The following ANKRD12 variants were observed in gnomAD, a reference collection of about 807,000 sequenced individuals.
ANKRD12 encodes ankyrin repeat domain-containing protein 12.
Under a neutral mutation model 183.4 loss-of-function variants are expected in ANKRD12, and 85 were observed. That is an observed-to-expected ratio of 0.46 (90% CI 0.39 to 0.56). ANKRD12 has a LOEUF of 0.56. Ranked by LOEUF, ANKRD12 falls within the 20% of genes least tolerant of loss-of-function variation. The probability of loss-of-function intolerance (pLI) is 0.00; values close to 1 mark genes in which losing one functional copy is unlikely to be tolerated. For synonymous variants in ANKRD12, 914 were observed against 800.2 expected (o/e 1.14, Z -2.40); for missense variants, 2,405 against 2,357.1 (o/e 1.02, Z -0.42).
At chr18:9,225,551 C>T (rs1186238418) in intron 8 of ANKRD12, among the ~76,000 whole-genome samples, 4 of 151,866 alleles carry the variant, frequency 2.6e-5, no homozygotes, top group Non-Finnish European at 2.9e-5. Flanking sequence ...AATTTTTCCC[C>T]CTACTCTGTC....
At chr18:9,276,414 GT>G (rs1006208839) in intron 11 of ANKRD12, among the ~76,000 whole-genome samples, 8 of 152,212 alleles carry the variant, frequency 5.3e-5, no homozygotes, top group Non-Finnish European at 1.2e-4. Flanking sequence ...AGATAGGTAG[GT>G]TTCAAACTTA....
At chr18:9,202,709 A>G (rs1052016539) in intron 3 of ANKRD12, among the ~76,000 whole-genome samples, 3 of 152,232 alleles carry the variant, frequency 2.0e-5, no homozygotes, top group African/African-American at 7.2e-5. Flanking sequence ...TCAATCTCAT[A>G]AACAGTGGTA....
rs745673561 is a variant in ANKRD12 at position 9,256,208 on chromosome 18, G to GA, written c.2949dup (p.Ser984IlefsTer7). 6 of 1,572,378 alleles carry GA rather than the reference G, an allele frequency of 3.8e-6. No individual in the cohort carries two copies. The highest frequency in any genetic ancestry group is 2.3e-5 in the East Asian group (1 of 44,184). On this transcript the variant is annotated frameshift_variant, in exon 9 of 13. Transcript: ENST00000262126. LOFTEE classifies it high-confidence loss of function. Reference sequence around the variant, plus strand: ...AACTAACTCCAAACACATACAGGAAGAAAAAAAATCAAGTATAGTAGACGG... The same window carrying GA: ...AACTAACTCCAAACACATACAGGAAGAAAAAAAAATCAAGTATAGTAGACGG...
chr18:9,168,113 G>A (rs1237839461), intron 1 of ANKRD12, among the ~76,000 whole-genome samples: 7 of 152,142 alleles, frequency 4.6e-5, no homozygotes, highest in Non-Finnish European at 7.4e-5. Context: ...TGCTGGATTC[G>A]GTTTGCCAGT....
rs564405356 is a variant in ANKRD12 at position 9,248,762 on chromosome 18, G to A, written c.944-5449G>A. On this transcript the variant is annotated intron_variant, in intron 8 of 12. Transcript: ENST00000262126. ...AGTCAGTGCGTGTGTGAAAGCGCAA[G>A]CTATATGATAGCTATGGATGGCATG... is the stretch of plus-strand genomic sequence containing the variant. 2.0e-5 allele frequency among the ~76,000 whole-genome samples: 3 copies of A among 152,362 alleles called. No homozygotes were observed. In the East Asian group the frequency reaches 5.8e-4, roughly 29 times the overall value.
At position 9,195,567 on chromosome 18, in the gene ANKRD12, C is replaced by T. The variant is rs113896281; in HGVS notation, c.104C>T (p.Ala35Val). 6.2e-7 allele frequency: 1 copy of T among 1,605,628 alleles called. No homozygotes were observed. Among genetic ancestry groups the T allele is most frequent in the Non-Finnish European group, 8.5e-7 (1 of 1,175,582 alleles). Residue 35 changes from alanine (A) to valine (V), a missense_variant, in exon 3 of 13, where the codon GCA becomes GTA. This residue lies in a region of ANKRD12 where 145 missense variants were observed against 145.6 expected (regional missense o/e 1.00). Coordinates refer to ENST00000262126, the MANE Select transcript of ANKRD12 (RefSeq NM_015208.5). ...PYGRKSKDKI[A>V]SYSKTPKIER... ...TTTTAATAGAGTAAAGACAAGATTG[C>T]ATCCTACAGCAAAACTCCAAAAATT...
intron 2 of ANKRD12, among the ~76,000 whole-genome samples, chr18:9,185,094 G>GT (rs2033957027): frequency 6.6e-6 from 1 of 152,224 alleles, no homozygotes. Context: ...GTAAAGGGTA[G>GT]TATAAGCGAA....
chr18:9,259,092 C>T (rs951300914), intron 9 of ANKRD12, among the ~76,000 whole-genome samples, 161 bp downstream of exon 9: 8 of 152,152 alleles, frequency 5.3e-5, no homozygotes, highest in African/African-American at 1.9e-4. Context: ...TTGTTTCTTT[C>T]ATTCCCCAAC....
rs375517919 is a variant in ANKRD12 at position 9,255,722 on chromosome 18, A to G, written c.2455A>G (p.Lys819Glu). 1 of 1,596,232 alleles carries G rather than the reference A, an allele frequency of 6.3e-7. No homozygotes were observed. The highest frequency in any genetic ancestry group is 8.5e-7 in the Non-Finnish European group (1 of 1,175,504). Residue 819 changes from lysine to glutamate, a missense_variant, in exon 9 of 13, where the codon AAA (lysine) becomes GAA (glutamate). Physicochemically the swap from Lys to Glu is moderately conservative, Grantham distance 56 (BLOSUM62 1). This residue lies in a region of ANKRD12 where 1,983 missense variants were observed against 1,725.9 expected (regional missense o/e 1.15). Transcript: ENST00000262126. ...EKQEKHIKESKEKPEKRSQIK... is the reference protein window; with the variant it reads ...EKQEKHIKESEEKPEKRSQIK... The stretch of plus-strand genomic sequence containing the variant: ...ACAAGAAAAGCATATAAAGGAAAGT[A>G]AAGAAAAACCTGAGAAGCGATCTCA...
At chr18:9,170,500 C>A (rs184513304) in intron 1 of ANKRD12, among the ~76,000 whole-genome samples, 1 of 152,154 alleles carries the variant, frequency 6.6e-6, no homozygotes, top group Admixed American at 6.5e-5. Flanking sequence ...TTGATCGCAT[C>A]GGCTGCTGAG....
intron 5 of ANKRD12, 132 bp downstream of exon 5, chr18:9,208,935 T>A: frequency 1.1e-6 from 1 of 891,788 alleles, no homozygotes; most frequent in Non-Finnish European, 1.6e-6. Context: ...TACTTGTAAG[T>A]CAGTGGTAAT....
At chr18:9,246,767 CTATT>C (rs772252913) in intron 8 of ANKRD12, among the ~76,000 whole-genome samples, 5 of 152,170 alleles carry the variant, frequency 3.3e-5, no homozygotes, top group Admixed American at 3.3e-4. Flanking sequence ...CAGTGAGTTA[CTATT>C]TATCACATGC....
intron 2 of ANKRD12, among the ~76,000 whole-genome samples, chr18:9,195,278 G>A (rs1258240978): frequency 6.6e-6 from 1 of 151,992 alleles, no homozygotes; most frequent in Non-Finnish European, 1.5e-5. Context: ...CCAAACCCCA[G>A]TGATATGCAA....
intron 1 of ANKRD12, among the ~76,000 whole-genome samples, chr18:9,161,009 T>G (rs2031330980): frequency 6.6e-6 from 1 of 152,208 alleles, no homozygotes; most frequent in Admixed American, 6.5e-5. Flanking sequence ...TAGTTTTTGT[T>G]TTTTGTTTTT....
In ANKRD12 at chr18:9,258,775, T is replaced by C. The variant is rs949868364; in HGVS notation, c.5508T>C (p.Tyr1836=). Residue 1836 remains tyrosine, a synonymous_variant, in exon 9 of 13, where the codon TAT becomes TAC. Transcript: ENST00000262126. ...ACAGTTCAGAGAGAGCAAATCCATA[T>C]TTTGAATACTTGCACATAAGGAAAA... ...QPYSSERANP[Y]FEYLHIRKKI... is the part of the protein sequence containing the mutation. 8.1e-6 allele frequency: 13 copies of C among 1,613,882 alleles called. No homozygotes were observed. Among genetic ancestry groups the C allele is most frequent in the Non-Finnish European group, 1.1e-5 (13 of 1,179,872 alleles).
chr18:9,217,353 G>A (rs1250333905), intron 7 of ANKRD12, among the ~76,000 whole-genome samples: 3 of 152,018 alleles, frequency 2.0e-5, no homozygotes, highest in Non-Finnish European at 2.9e-5. Context: ...TTCCCTCCTC[G>A]GAACCTCCGT....
chr18:9,149,191 A>G (rs180958428), intron 1 of ANKRD12, among the ~76,000 whole-genome samples: 1 of 152,270 alleles, frequency 6.6e-6, no homozygotes, highest in African/African-American at 2.4e-5. Context: ...TTTCTGTTAA[A>G]AACTGTCAGT....
At chr18:9,141,965 A>G (rs1402975961) in intron 1 of ANKRD12, among the ~76,000 whole-genome samples, 7 of 152,240 alleles carry the variant, frequency 4.6e-5, no homozygotes, top group African/African-American at 1.7e-4. Context: ...TATGTTGCTC[A>G]GACTGGTCTT....
intron 10 of ANKRD12, among the ~76,000 whole-genome samples, chr18:9,264,482 CAA>C (rs913448668): frequency 4.6e-5 from 7 of 152,262 alleles, no homozygotes; most frequent in Admixed American, 4.6e-4. Flanking sequence ...CATATGCAAA[CAA>C]AATTTGTATA....
Sources: gnomAD v4.1 joint callset for allele counts (sites outside exome capture counted in the v4.1 genomes callset) on GRCh38, gnomAD v4.1.1 for gene constraint, gnomAD v4.1.1 regional missense constraint, MANE v1.5 for transcripts, NCBI Gene and HGNC (gene_info 2026-07-23, HGNC 2026-07-21) for gene names.